EIF4G3: variants seen among roughly 807,000 people sequenced by gnomAD.
EIF4G3 encodes eIF-4-gamma 3.
In EIF4G3, 34 loss-of-function variants were observed where a neutral mutation model predicts 186.4. The observed-to-expected ratio is 0.18, with a 90% confidence interval of 0.14 to 0.24. The LOEUF is 0.24. Ranked by LOEUF, EIF4G3 falls within the 10% of genes least tolerant of loss-of-function variation. EIF4G3 has a pLI of 1.00. For missense variants in EIF4G3, 1,536 were observed against 1,948.5 expected, an observed-to-expected ratio of 0.79 and a Z score of 3.99; for synonymous variants, 673 against 679.5, an observed-to-expected ratio of 0.99 and a Z score of 0.15.
chr1:21,082,209 A>G (rs1406689528), intron 3 of EIF4G3, among the ~76,000 whole-genome samples: 2 of 149,844 alleles, frequency 1.3e-5, no homozygotes, highest in African/African-American at 4.9e-5. Flanking sequence ...TCTTTGTGTA[A>G]TTTTGAGACT....
At chr1:20,972,922 G>T in intron 11 of EIF4G3, 80 bp downstream of exon 11, 1 of 1,104,894 alleles carries the variant, frequency 9.1e-7, no homozygotes, top group Non-Finnish European at 1.3e-6. Context: ...GAATTGAGAT[G>T]AATAATGACT....
At chr1:20,864,165 C>A (rs1019215821) in intron 22 of EIF4G3, among the ~76,000 whole-genome samples, 1 of 152,132 alleles carries the variant, frequency 6.6e-6, no homozygotes, top group Non-Finnish European at 1.5e-5. Context: ...TACCCTTAGG[C>A]CATAGTTTTT....
chr1:20,961,595 T>C (rs1224728122), intron 12 of EIF4G3, among the ~76,000 whole-genome samples: 3 of 152,176 alleles, frequency 2.0e-5, no homozygotes, highest in Non-Finnish European at 4.4e-5. Context: ...AAACACTAGA[T>C]CTTATTTCCT....
intron 2 of EIF4G3, among the ~76,000 whole-genome samples, chr1:21,152,453 A>G (rs539142610): frequency 7.0e-6 from 1 of 143,522 alleles, no homozygotes; most frequent in Non-Finnish European, 1.5e-5. Context: ...TGCTAACACT[A>G]AAAAAAAAAA....
chr1:21,168,101 ACT>A, intron 2 of EIF4G3: 1 of 467,506 alleles, frequency 2.1e-6, no homozygotes, highest in South Asian at 1.6e-5. Context: ...ACAGAATAAA[ACT>A]ATTCAAGAAG....
At chr1:21,061,136 T>C (rs569335006) in intron 3 of EIF4G3, among the ~76,000 whole-genome samples, 2 of 152,256 alleles carry the variant, frequency 1.3e-5, no homozygotes, top group South Asian at 4.1e-4. Context: ...CTTGAAAGAT[T>C]AGGTGGGAAG....
chr1:20,857,334 G>T (rs1376225372), intron 25 of EIF4G3, 69 bp downstream of exon 25: 2 of 1,209,504 alleles, frequency 1.7e-6, no homozygotes, highest in Admixed American at 1.7e-5. Flanking sequence ...AATTGTGTGT[G>T]TGTGTGTGTG....
chr1:21,046,121 T>C (rs530457943), intron 4 of EIF4G3, among the ~76,000 whole-genome samples: 2 of 152,336 alleles, frequency 1.3e-5, no homozygotes, highest in East Asian at 1.9e-4. Context: ...AAGGTACTTT[T>C]AAATTCCAAA....
rs193266281 is a variant in EIF4G3 at position 21,038,134 on chromosome 1, C to T, written c.-67+12732G>A. ...ATTGAAATGCTATGGCTTTCTGCCC[C>T]TCAGAAGACAATAATAGACTCACAT... is the stretch of plus-strand genomic sequence containing the variant. On this transcript the variant is annotated intron_variant, in intron 4 of 36. Transcript: ENST00000602326. Among the ~76,000 whole-genome samples, 187 of 152,300 alleles carry T rather than the reference C, an allele frequency of 1.2e-3. 2 individuals carry two copies. The highest frequency in any genetic ancestry group is 4.3e-3 in the African/African-American group (179 of 41,562).
At chr1:21,044,371 C>T (rs2093752407) in intron 4 of EIF4G3, among the ~76,000 whole-genome samples, 1 of 152,126 alleles carries the variant, frequency 6.6e-6, no homozygotes, top group Non-Finnish European at 1.5e-5. Context: ...AGCTCAAATA[C>T]TGCCTTAGAT....
intron 33 of EIF4G3, among the ~76,000 whole-genome samples, chr1:20,823,196 C>G (rs1002120085): frequency 3.3e-5 from 5 of 152,068 alleles, no homozygotes; most frequent in Non-Finnish European, 5.9e-5. Context: ...TTTATCACTT[C>G]TAGAAGTCTC....
chr1:21,051,122 G>A, intron 3 of EIF4G3, 128 bp from the exon 4 acceptor site: 2 of 581,868 alleles, frequency 3.4e-6, no homozygotes, highest in Non-Finnish European at 6.1e-6. Context: ...GCACGAGACT[G>A]AACAAACACT....
At position 21,049,456 on chromosome 1, in the gene EIF4G3, C is replaced by A. The variant is rs74542530; in HGVS notation, c.-67+1410G>T. 2.6e-5 allele frequency among the ~76,000 whole-genome samples: 4 copies of A among 152,208 alleles called. No homozygotes were observed. In the East Asian group the frequency reaches 7.7e-4, roughly 29 times the overall value. ...CAGTCTAAGAAACCCAACACAGGAACCTCATTTAAACAATCAGGAGCTCAT... is the reference window on the plus strand; with the variant it reads ...CAGTCTAAGAAACCCAACACAGGAAACTCATTTAAACAATCAGGAGCTCAT... On this transcript the variant is annotated intron_variant, in intron 4 of 36. Coordinates refer to ENST00000602326, the MANE Select transcript of EIF4G3 (RefSeq NM_001391906.1).
chr1:20,807,851 C>T (rs1180548225), intron 36 of EIF4G3, among the ~76,000 whole-genome samples: 1 of 147,992 alleles, frequency 6.8e-6, no homozygotes, highest in Admixed American at 6.9e-5. Flanking sequence ...CAACCTCTAC[C>T]TCCTGGGTTT....
chr1:20,932,110 T>C (rs2095338166), intron 14 of EIF4G3, among the ~76,000 whole-genome samples: 1 of 152,184 alleles, frequency 6.6e-6, no homozygotes, highest in Non-Finnish European at 1.5e-5. Flanking sequence ...ACTTGCTGCT[T>C]CTACCTTGCA....
intron 11 of EIF4G3, 117 bp downstream of exon 11, chr1:20,972,884 TA>T (rs532240274): frequency 0.2 from 111,177 of 568,298 alleles, 1 homozygote; most frequent in South Asian, 0.27. Context: ...AAGGGAAGAA[TA>T]AAAAAAAAAA....
At chr1:20,959,694 TAA>T (rs2096528857) in intron 12 of EIF4G3, among the ~76,000 whole-genome samples, 1 of 135,460 alleles carries the variant, frequency 7.4e-6, no homozygotes, top group Non-Finnish European at 1.6e-5. Context: ...ATAATAATAA[TAA>T]TCCCATCAAA....
At chr1:20,996,311 G>C (rs2082276171) in intron 7 of EIF4G3, among the ~76,000 whole-genome samples, 1 of 152,112 alleles carries the variant, frequency 6.6e-6, no homozygotes. Context: ...ATCAAACCTA[G>C]ATCTAGCTGA....
chr1:21,141,893 C>CA (rs1405395684), intron 2 of EIF4G3, among the ~76,000 whole-genome samples: 1 of 151,644 alleles, frequency 6.6e-6, no homozygotes, highest in Non-Finnish European at 1.5e-5. Context: ...ATTATGCCAC[C>CA]ACGCTCCATC....
Sources: allele counts gnomAD v4.1 joint callset (sites outside exome capture counted in the v4.1 genomes callset), GRCh38; gene constraint gnomAD v4.1.1; transcripts MANE v1.5; gene names NCBI Gene and HGNC (gene_info 2026-07-23, HGNC 2026-07-21).